The following LARP7 variants were observed in gnomAD, a reference collection of about 807,000 sequenced individuals.
LARP7 encodes the protein La ribonucleoprotein 7, transcriptional regulator.
In LARP7, 52 loss-of-function variants were observed where a neutral mutation model predicts 69.3. The ratio of observed to expected loss-of-function variants is 0.75; its 90% CI spans 0.60 to 0.95. The LOEUF is 0.95. Ranked by LOEUF, LARP7 falls within the 40% of genes least tolerant of loss-of-function variation. LARP7 has a pLI of 0.00. For synonymous variants in LARP7, 254 were observed against 215.9 expected, an observed-to-expected ratio of 1.18 and a Z score of -1.55; for missense variants, 733 against 673.0, an observed-to-expected ratio of 1.09 and a Z score of -0.99.
chr4:112,653,387 G>T (rs527468158), intron 11 of LARP7, 151 bp downstream of exon 11: 4 of 482,574 alleles, frequency 8.3e-6, no homozygotes, highest in African/African-American at 6.1e-5. Flanking sequence ...TCAGCTCACC[G>T]CATCCTCCAC....
intron 10 of LARP7, 42 bp downstream of exon 10, chr4:112,650,624 CTTA>C (rs2048685099): frequency 4.5e-6 from 7 of 1,558,490 alleles, no homozygotes; most frequent in Non-Finnish European, 6.1e-6. Flanking sequence ...CCTTTCTTCT[CTTA>C]TTATTTCCCT....
At chr4:112,646,319 CACTA>C in intron 2 of LARP7, 28 bp from the exon 3 acceptor site, 2 of 1,080,636 alleles carry the variant, frequency 1.9e-6, no homozygotes, top group Non-Finnish European at 2.8e-6. Context: ...CCTGCTGATA[CACTA>C]ACATATTAAC....
chr4:112,638,786 G>A (rs1343172550), intron 1 of LARP7, among the ~76,000 whole-genome samples: 3 of 152,136 alleles, frequency 2.0e-5, no homozygotes, highest in Admixed American at 6.5e-5. Flanking sequence ...TGTCCTTGTC[G>A]TTAAGCAACC....
intron 1 of LARP7, among the ~76,000 whole-genome samples, chr4:112,638,324 C>T (rs769092671): frequency 9.2e-5 from 14 of 152,180 alleles, no homozygotes; most frequent in Non-Finnish European, 2.1e-4. Flanking sequence ...ATAATTTCCT[C>T]AGGAGAAATT....
intron 1 of LARP7, among the ~76,000 whole-genome samples, chr4:112,639,000 A>G (rs537762116): frequency 3.1e-4 from 47 of 152,316 alleles, no homozygotes; most frequent in African/African-American, 1.1e-3. Flanking sequence ...AAATTCTACC[A>G]AAAGGTAGAC....
intron 1 of LARP7, among the ~76,000 whole-genome samples, chr4:112,642,663 AG>A (rs2048007601): frequency 6.6e-6 from 1 of 152,228 alleles, no homozygotes; most frequent in South Asian, 2.1e-4. Flanking sequence ...ATCCCACCAG[AG>A]GCCACCAAGC....
intron 2 of LARP7, chr4:112,645,631 T>TC (rs1464478748): frequency 2.5e-6 from 1 of 397,374 alleles, no homozygotes; most frequent in Admixed American, 2.9e-5. Flanking sequence ...CAAGCGATCC[T>TC]CCATCAGCCT....
At chr4:112,637,763 A>G (rs933557538) in intron 1 of LARP7, 1 of 152,166 alleles carries the variant, frequency 6.6e-6, no homozygotes, top group Non-Finnish European at 1.5e-5. Context: ...ATGATAGGAC[A>G]CAGGGTGGTG....
chr4:112,639,487 C>T (rs994928686), intron 1 of LARP7, among the ~76,000 whole-genome samples: 1 of 152,054 alleles, frequency 6.6e-6, no homozygotes, highest in African/African-American at 2.4e-5. Flanking sequence ...GCCTTGGCCT[C>T]CCAAAGTGCT....
At chr4:112,643,161 A>G (rs949679120) in intron 1 of LARP7, among the ~76,000 whole-genome samples, 1 of 152,256 alleles carries the variant, frequency 6.6e-6, no homozygotes, top group African/African-American at 2.4e-5. Context: ...TAGGAAGGAT[A>G]AACAACAAAG....
intron 8 of LARP7, chr4:112,648,053 C>T (rs377427380): frequency 6.2e-6 from 4 of 644,544 alleles, no homozygotes; most frequent in African/African-American, 3.6e-5. Context: ...CAGCAAGTGC[C>T]TCCATGTTAA....
intron 8 of LARP7, among the ~76,000 whole-genome samples, chr4:112,648,953 A>G (rs2048558950): frequency 2.6e-5 from 4 of 151,402 alleles, no homozygotes; most frequent in Non-Finnish European, 1.5e-5. Context: ...GAAAAAGAAA[A>G]TCTCCTATCT....
At chr4:112,641,516 A>G (rs1578555444) in intron 1 of LARP7, among the ~76,000 whole-genome samples, 1 of 152,356 alleles carries the variant, frequency 6.6e-6, no homozygotes, top group East Asian at 1.9e-4. Flanking sequence ...AAGCAGGCAG[A>G]CTAGTAATAA....
chr4:112,653,952 C>T, intron 11 of LARP7, 116 bp from the exon 12 acceptor site: 2 of 752,088 alleles, frequency 2.7e-6, no homozygotes, highest in Admixed American at 2.3e-5. Context: ...TGTAAAGTAG[C>T]ATTAAATATA....
chr4:112,646,731 T>TA (rs2048280646), intron 4 of LARP7, 60 bp downstream of exon 4: 1 of 1,551,626 alleles, frequency 6.4e-7, no homozygotes, highest in Non-Finnish European at 8.7e-7. Flanking sequence ...ATAATTAAGT[T>TA]AAAAATTTAT....
chr4:112,644,764 A>T lies in LARP7; in HGVS notation c.95A>T (p.Lys32Ile). Residue 32 changes from lysine to isoleucine, a missense_variant, in exon 2 of 13, where the codon AAA becomes ATA. Lys to Ile is a moderately radical substitution (Grantham distance 102, BLOSUM62 -3). Transcript: ENST00000344442. ...EVEKKKRSRV[K>I]QVLADIAKQV... The stretch of plus-strand genomic sequence containing the variant: ...GAAAAAAAGAAACGGTCACGAGTTA[A>T]ACAGGTGCTTGCAGATATTGCTAAG... 1 of 1,609,732 alleles carries T rather than the reference A, an allele frequency of 6.2e-7. No individual in the cohort carries two copies. Among genetic ancestry groups the T allele is most frequent in the Non-Finnish European group, 8.5e-7 (1 of 1,177,036 alleles).
intron 8 of LARP7, chr4:112,648,488 C>G: frequency 1.9e-6 from 1 of 534,224 alleles, no homozygotes; most frequent in Non-Finnish European, 3.8e-6. Context: ...TGGATTCACT[C>G]CTACTAAAAC....
intron 1 of LARP7, chr4:112,637,485 G>C (rs1054901144): frequency 4.6e-5 from 7 of 152,336 alleles, no homozygotes; most frequent in African/African-American, 1.7e-4. Context: ...TTTGGGGCGC[G>C]CCCGGCCTAT....
rs922662933 is a variant in LARP7, at chr4:112,649,169, A to T, written c.1143-366A>T. ...AAATACTAAGGAATGTTATCTCTCA[A>T]ATTGGAAGCAGTTTAACAAATCTTT... On this transcript the variant is annotated intron_variant, in intron 8 of 12. Coordinates refer to ENST00000344442, the MANE Select transcript of LARP7 (RefSeq NM_016648.4). Among the ~76,000 whole-genome samples the T allele has an allele frequency of 1.1e-4, 16 of 152,272 alleles. No individual in the cohort carries two copies. The East Asian group carries it at 3.1e-3, about 29-fold the overall frequency.
Sources: gnomAD v4.1 joint callset for allele counts (sites outside exome capture counted in the v4.1 genomes callset) on GRCh38, gnomAD v4.1.1 for gene constraint, MANE v1.5 for transcripts, NCBI Gene and HGNC (gene_info 2026-07-23, HGNC 2026-07-21) for gene names.